SRGAP1: variants seen among roughly 807,000 people sequenced by gnomAD.
The protein encoded by SRGAP1 is SLIT-ROBO Rho GTPase activating protein 1.
SRGAP1 carries 43 observed loss-of-function variants against 121.9 expected under a neutral mutation model. That is an observed-to-expected ratio of 0.35 (90% confidence interval 0.28 to 0.46). The LOEUF is 0.46. Ranked by LOEUF, SRGAP1 falls within the 20% of genes least tolerant of loss-of-function variation. The probability of loss-of-function intolerance (pLI) is 1.00; values close to 1 mark genes in which losing one functional copy is unlikely to be tolerated. For synonymous variants in SRGAP1, 447 were observed against 485.4 expected (o/e 0.92, Z 1.04); for missense variants, 1,102 against 1,350.9 (o/e 0.82, Z 2.89).
In SRGAP1 at chr12:64,158,762, A is replaced by G. The variant is rs757640739; in HGVS notation, c.*16090A>G. On this transcript the variant is annotated 3_prime_UTR_variant, in exon 22 of 22. Coordinates refer to ENST00000355086, the MANE Select transcript of SRGAP1 (RefSeq NM_020762.4). The stretch of plus-strand genomic sequence containing the variant: ...ACTCCAGCCTGGGTGACAGGGTGAG[A>G]CTCCATCTTAAGAAGAAAAAAAAAG... 7 of 150,688 alleles carry G rather than the reference A, an allele frequency of 4.6e-5. No homozygotes were observed. The highest frequency in any genetic ancestry group is 1.3e-4 in the Admixed American group (2 of 15,128). 9.3% of individuals were successfully genotyped at this position (150,688 alleles called of 1,614,324 possible).
At chr12:64,116,971 G>A (rs2036533241) in intron 18 of SRGAP1, among the ~76,000 whole-genome samples, 1 of 152,164 alleles carries the variant, frequency 6.6e-6, no homozygotes, top group Non-Finnish European at 1.5e-5. Context: ...GGGTTGCCTA[G>A]TTGGAATAAT....
At chr12:64,122,522 C>G (rs789725) in intron 18 of SRGAP1, among the ~76,000 whole-genome samples, 1,683 of 152,294 alleles carry the variant, frequency 0.011, 36 homozygotes, top group African/African-American at 0.039. Flanking sequence ...ATAAAATGTT[C>G]TGCTGATTTA....
rs1489597688 is a variant in SRGAP1, at chr12:64,150,948, A to C, written c.*8276A>C. ...AGAAGCTATCTCAAAAAAAAAAAAA[A>C]AAAAAAAAAAAACATGGTCAAGATT... On this transcript the variant is annotated 3_prime_UTR_variant, in exon 22 of 22. Coordinates refer to ENST00000355086, the MANE Select transcript of SRGAP1 (RefSeq NM_020762.4). 6.7e-6 allele frequency: 1 copy of C among 148,170 alleles called. No individual in the cohort carries two copies. Among genetic ancestry groups the C allele is most frequent in the East Asian group, 2.0e-4 (1 of 5,112 alleles). 9.2% of individuals were successfully genotyped at this position (148,170 alleles called of 1,614,324 possible).
At chr12:63,912,879 T>C (rs999771688) in intron 1 of SRGAP1, among the ~76,000 whole-genome samples, 4 of 152,098 alleles carry the variant, frequency 2.6e-5, no homozygotes, top group Admixed American at 6.5e-5. Flanking sequence ...TAGATAATAT[T>C]AATAAGCTCC....
At chr12:63,904,176 T>C (rs532782558) in intron 1 of SRGAP1, among the ~76,000 whole-genome samples, 1 of 150,914 alleles carries the variant, frequency 6.6e-6, no homozygotes, top group Non-Finnish European at 1.5e-5. Context: ...CCAACAACTA[T>C]GCTCCTTTCT....
At chr12:63,846,925 A>C (rs1898921073) in intron 1 of SRGAP1, among the ~76,000 whole-genome samples, 1 of 152,228 alleles carries the variant, frequency 6.6e-6, no homozygotes. Context: ...TAAATAGTAC[A>C]TGAGGCCAGC....
At chr12:63,935,304 G>A (rs1003579655) in intron 1 of SRGAP1, among the ~76,000 whole-genome samples, 8 of 152,150 alleles carry the variant, frequency 5.3e-5, no homozygotes, top group African/African-American at 9.7e-5. Flanking sequence ...ACCTGAGACC[G>A]AAAAGCAGAT....
intron 4 of SRGAP1, among the ~76,000 whole-genome samples, chr12:64,033,002 AT>A (rs1423363062): frequency 6.6e-6 from 1 of 152,168 alleles, no homozygotes; most frequent in East Asian, 1.9e-4. Context: ...AAATAAAAAT[AT>A]TTTTTAAATC....
At chr12:64,093,482 CAG>C (rs1471099400) in intron 12 of SRGAP1, among the ~76,000 whole-genome samples, 3 of 152,080 alleles carry the variant, frequency 2.0e-5, no homozygotes, top group African/African-American at 7.2e-5. Context: ...CTAAATTCAG[CAG>C]AGATGTAAAC....
intron 1 of SRGAP1, among the ~76,000 whole-genome samples, chr12:63,873,057 G>A (rs970770763): frequency 1.3e-5 from 2 of 152,112 alleles, no homozygotes; most frequent in Non-Finnish European, 2.9e-5. Context: ...TGTTTTAAGT[G>A]CCTTGAGCAG....
chr12:63,934,240 A>T (rs1165515258), intron 1 of SRGAP1, among the ~76,000 whole-genome samples: 1 of 152,158 alleles, frequency 6.6e-6, no homozygotes, highest in East Asian at 1.9e-4. Context: ...GTGTTGCTTC[A>T]GCTGTCTATC....
chr12:64,150,738 T>A lies in SRGAP1; in HGVS notation c.*8066T>A, dbSNP rs1565704499. On this transcript the variant is annotated 3_prime_UTR_variant, in exon 22 of 22. Coordinates refer to ENST00000355086, the MANE Select transcript of SRGAP1 (RefSeq NM_020762.4). Reference sequence around the variant, plus strand: ...GGATCAAAAAATGCGAATTTTTATATTTTTTTGTGAGATCCCATCTCTACC... The same window carrying A: ...GGATCAAAAAATGCGAATTTTTATAATTTTTTGTGAGATCCCATCTCTACC... 1 of 48,678 alleles carries A rather than the reference T, an allele frequency of 2.1e-5. No homozygotes were observed. The highest frequency in any genetic ancestry group is 6.8e-5 in the Non-Finnish European group (1 of 14,802). The allele number at this position is 48,678 out of a possible 1,614,324, so 3.0% of individuals were successfully genotyped here.
At chr12:63,995,279 T>A (rs765689115) in intron 3 of SRGAP1, among the ~76,000 whole-genome samples, 4 of 152,172 alleles carry the variant, frequency 2.6e-5, no homozygotes, top group African/African-American at 4.8e-5. Context: ...ACTTACTGAG[T>A]TTTAGCTATG....
intron 1 of SRGAP1, among the ~76,000 whole-genome samples, chr12:63,849,103 A>G (rs1898994860): frequency 6.6e-6 from 1 of 152,232 alleles, no homozygotes; most frequent in Non-Finnish European, 1.5e-5. Context: ...TCAAATTCTC[A>G]AAGACTTAGA....
chr12:63,976,330 C>T (rs539470052), intron 1 of SRGAP1, among the ~76,000 whole-genome samples: 2 of 152,248 alleles, frequency 1.3e-5, no homozygotes, highest in South Asian at 4.1e-4. Context: ...TGTTATAACT[C>T]TCCTTCTCTC....
chr12:64,073,551 A>G (rs910958301), intron 8 of SRGAP1, among the ~76,000 whole-genome samples: 4 of 152,192 alleles, frequency 2.6e-5, no homozygotes, highest in Non-Finnish European at 5.9e-5. Flanking sequence ...AGTCCCTTAT[A>G]TAAATGAGGT....
At chr12:63,896,143 A>G (rs990738312) in intron 1 of SRGAP1, among the ~76,000 whole-genome samples, 1 of 152,180 alleles carries the variant, frequency 6.6e-6, no homozygotes, top group African/African-American at 2.4e-5. Context: ...GGGGATTTAT[A>G]TAAAAGGACA....
intron 1 of SRGAP1, among the ~76,000 whole-genome samples, chr12:63,919,977 A>G (rs1429884003): frequency 6.6e-6 from 1 of 152,104 alleles, no homozygotes; most frequent in Non-Finnish European, 1.5e-5. Flanking sequence ...ATGTGTTCCT[A>G]TTAACACACA....
rs2037191029 is a variant in SRGAP1 at position 64,159,149 on chromosome 12, T to TG, written c.*16477_*16478insG. On this transcript the variant is annotated 3_prime_UTR_variant, in exon 22 of 22. Coordinates refer to ENST00000355086, the MANE Select transcript of SRGAP1 (RefSeq NM_020762.4). The stretch of plus-strand genomic sequence containing the variant: ...GCCTGGGCAACATAGCAAGACCCCA[T>TG]CCCTACAAAACAGTTTTTTAAAAAA... The TG allele has an allele frequency of 4.6e-5, 7 of 152,162 alleles. No individual in the cohort carries two copies. Among genetic ancestry groups the TG allele is most frequent in the African/African-American group, 1.7e-4 (7 of 41,254 alleles). The allele number at this position is 152,162 out of a possible 1,614,324, so 9.4% of individuals were successfully genotyped here. A position where few individuals can be genotyped will look rare whatever the true frequency, so the allele number is the denominator to read the frequency against.
Sources: gnomAD v4.1 joint callset for allele counts (sites outside exome capture counted in the v4.1 genomes callset) on GRCh38, gnomAD v4.1.1 for gene constraint, MANE v1.5 for transcripts, NCBI Gene and HGNC (gene_info 2026-07-23, HGNC 2026-07-21) for gene names.